TBX1: variants seen among roughly 807,000 people sequenced by gnomAD.
The protein encoded by TBX1 is T-box transcription factor TBX1.
Under a neutral mutation model 40.8 loss-of-function variants are expected in TBX1, and 16 were observed. The observed-to-expected ratio is 0.39, with a 90% CI of 0.27 to 0.60. TBX1 has a LOEUF of 0.60. Among genes scored for constraint, TBX1 ranks in the 20% least tolerant of loss-of-function variants. TBX1 has a pLI of 0.51. For missense variants in TBX1, 755 were observed against 728.5 expected (o/e 1.04, Z -0.42); for synonymous variants, 403 against 336.8 (o/e 1.20, Z -2.15).
chr22:19,780,783 TTTTTG>T (rs1204196693), downstream of TBX1, among the ~76,000 whole-genome samples: 2 of 144,588 alleles, frequency 1.4e-5, no homozygotes, highest in Admixed American at 6.9e-5. Context: ...TCTGTTTTTT[TTTTTG>T]TTTTTTTTTT....
chr22:19,781,846 G>A (rs923719959), downstream of TBX1, among the ~76,000 whole-genome samples: 3 of 152,224 alleles, frequency 2.0e-5, no homozygotes. Flanking sequence ...TGGCCAGCCA[G>A]GTGCAGTGGC....
At chr22:19,776,591 G>A (rs1299354518) in intron 8 of TBX1, among the ~76,000 whole-genome samples, 1 of 152,172 alleles carries the variant, frequency 6.6e-6, no homozygotes, top group Admixed American at 6.5e-5. Context: ...ACTCAGGGAG[G>A]GAGGGGTCAT....
intron 4 of TBX1, among the ~76,000 whole-genome samples, 183 bp from the exon 5 acceptor site, chr22:19,765,575 C>T (rs1158585371): frequency 1.3e-5 from 2 of 152,116 alleles, no homozygotes; most frequent in Non-Finnish European, 2.9e-5. Context: ...GTTCCTCAGA[C>T]CCCCGCCCCC....
At chr22:19,767,388 G>C (rs577805075), downstream of TBX1, 2 of 986,114 alleles carry the variant, frequency 2.0e-6, no homozygotes, top group Non-Finnish European at 2.4e-6. Flanking sequence ...GGGAATCTTC[G>C]GGACAGCGAG....
At position 19,763,348 on chromosome 22, in the gene TBX1, C is replaced by T. The variant is rs1219849128; in HGVS notation, c.539+6C>T. On this transcript the variant is annotated splice_donor_region_variant and intron_variant, in intron 2 of 6. Transcript: ENST00000649276. ...GTGGACGATAAGCGCTACCGGTGAG[C>T]GAGTGGTTGTAAGCGTGAGGGACCG... 22 of 1,613,878 alleles carry T rather than the reference C, an allele frequency of 1.4e-5. No individual in the cohort carries two copies. In the Middle Eastern group the frequency reaches 4.9e-4, roughly 36 times the overall value.
In TBX1 at chr22:19,767,182, C is replaced by G. The variant is rs1243937784; in HGVS notation, c.*315C>G. 8.7e-7 allele frequency: 1 copy of G among 1,143,034 alleles called. No individual in the cohort carries two copies. The highest frequency in any genetic ancestry group is 1.1e-6 in the Non-Finnish European group (1 of 931,258). 70.8% of individuals were successfully genotyped at this position (1,143,034 alleles called of 1,614,324 possible). A position where few individuals can be genotyped will look rare whatever the true frequency, so the allele number is the denominator to read the frequency against. On this transcript the variant is annotated 3_prime_UTR_variant, in exon 7 of 7. Transcript: ENST00000649276. ...GAAGGAAGTGATATTTATTGTTCTC[C>G]CCGAGACCGCGTCGCCCGCGGCCCG...
At chr22:19,778,141 G>A (rs1937095212) in intron 8 of TBX1, among the ~76,000 whole-genome samples, 2 of 152,036 alleles carry the variant, frequency 1.3e-5, no homozygotes, top group African/African-American at 4.8e-5. Context: ...ACCCAGGCTG[G>A]AGTGCAGTGG....
chr22:19,764,918 A>C (rs1326902145), intron 3 of TBX1, 40 bp from the exon 4 acceptor site: 2 of 1,612,844 alleles, frequency 1.2e-6, no homozygotes, highest in Admixed American at 1.7e-5. Flanking sequence ...TCCTCAGCCC[A>C]GCCCCACCGC....
chr22:19,771,673 C>T (rs551954999), downstream of TBX1, among the ~76,000 whole-genome samples: 5 of 152,340 alleles, frequency 3.3e-5, no homozygotes, highest in South Asian at 1.0e-3. Flanking sequence ...GCAGTGCAGA[C>T]CCCCAGAAGC....
chr22:19,759,652 C>G, upstream of TBX1: 1 of 1,612,466 alleles, frequency 6.2e-7, no homozygotes, highest in Non-Finnish European at 8.5e-7. Flanking sequence ...GGATGCACTT[C>G]AGCACCGTCA....
At chr22:19,779,593 T>G, downstream of TBX1, 1 of 1,388,406 alleles carries the variant, frequency 7.2e-7, no homozygotes, top group Non-Finnish European at 9.5e-7. Context: ...CAAAACTTGT[T>G]GGATAAAACA....
intron 3 of TBX1, 69 bp downstream of exon 3, chr22:19,764,395 T>A: frequency 6.3e-7 from 1 of 1,587,456 alleles, no homozygotes; most frequent in Admixed American, 1.7e-5. Context: ...CGCCTGTCCC[T>A]AAGAGGCCTG....
At chr22:19,767,392 C>G, downstream of TBX1, 1 of 986,286 alleles carries the variant, frequency 1.0e-6, no homozygotes, top group Non-Finnish European at 1.2e-6. Flanking sequence ...ATCTTCGGGA[C>G]AGCGAGCCCG....
chr22:19,767,095 C>A lies in TBX1; in HGVS notation c.*228C>A, dbSNP rs968396290. 4.0e-6 allele frequency: 5 copies of A among 1,262,932 alleles called. No individual in the cohort carries two copies. Among genetic ancestry groups the A allele is most frequent in the Admixed American group, 8.6e-5 (2 of 23,380 alleles). 78.2% of individuals were successfully genotyped at this position (1,262,932 alleles called of 1,614,324 possible). On this transcript the variant is annotated 3_prime_UTR_variant, in exon 7 of 7. Coordinates refer to ENST00000649276, the MANE Select transcript of TBX1 (RefSeq NM_001379200.1). ...GTCCCTGGAGCCACCGCGGGTCCTT[C>A]CCCGGCCCCGAGGGCCAAGGGGGTC...
upstream of TBX1, among the ~76,000 whole-genome samples, chr22:19,757,528 G>A (rs1001705072): frequency 6.6e-6 from 1 of 152,196 alleles, no homozygotes; most frequent in African/African-American, 2.4e-5. Flanking sequence ...ACACAAGCTT[G>A]GGCATACCCT....
chr22:19,771,548 G>A (rs577889478), downstream of TBX1, among the ~76,000 whole-genome samples: 1 of 152,306 alleles, frequency 6.6e-6, no homozygotes, highest in East Asian at 1.9e-4. Flanking sequence ...AAGGGTGATG[G>A]CATTGTCAAC....
At chr22:19,782,860 T>C, downstream of TBX1, 1 of 1,613,632 alleles carries the variant, frequency 6.2e-7, no homozygotes, top group Non-Finnish European at 8.5e-7. Context: ...CACAAACACT[T>C]TGACCTTCCT....
upstream of TBX1, among the ~76,000 whole-genome samples, chr22:19,757,423 G>A (rs1302763204): frequency 4.6e-5 from 7 of 152,172 alleles, no homozygotes; most frequent in South Asian, 4.1e-4. Flanking sequence ...GAGGCCCCAG[G>A]GTTTTTCACT....
At position 19,764,147 on chromosome 22, in the gene TBX1, C is replaced by T. The variant is rs72646960; in HGVS notation, c.540-8C>T. 5.2e-4 allele frequency: 846 copies of T among 1,612,722 alleles called. 3 individuals carry two copies. Among genetic ancestry groups the T allele is most frequent in the Middle Eastern group, 2.8e-3 (17 of 5,984 alleles). ...CCACATGCACGACCCCACCCCGTGCCGCTCCAGGTACGCCTTCCACAGCTC... is the reference window on the plus strand; with the variant it reads ...CCACATGCACGACCCCACCCCGTGCTGCTCCAGGTACGCCTTCCACAGCTC... On this transcript the variant is annotated splice_region_variant and splice_polypyrimidine_tract_variant and intron_variant, in intron 2 of 6. Coordinates refer to ENST00000649276, the MANE Select transcript of TBX1 (RefSeq NM_001379200.1).
Sources: allele counts gnomAD v4.1 joint callset (sites outside exome capture counted in the v4.1 genomes callset), GRCh38; gene constraint gnomAD v4.1.1; transcripts MANE v1.5; gene names NCBI Gene and HGNC (gene_info 2026-07-23, HGNC 2026-07-21).